RASEF: variants seen among roughly 807,000 people sequenced by gnomAD.
The protein encoded by RASEF is ras and EF-hand domain-containing protein.
RASEF carries 68 observed loss-of-function variants against 90.1 expected under a neutral mutation model. The ratio of observed to expected loss-of-function variants is 0.75; its 90% CI spans 0.62 to 0.92. RASEF has a LOEUF of 0.92. Among genes scored for constraint, RASEF ranks in the 40% least tolerant of loss-of-function variants. RASEF has a pLI of 0.00. For missense variants in RASEF, 949 were observed against 937.2 expected (o/e 1.01, Z -0.16); for synonymous variants, 331 against 345.2 (o/e 0.96, Z 0.46).
chr9:83,011,319 C>A (rs1829238558), intron 5 of RASEF, among the ~76,000 whole-genome samples: 1 of 151,962 alleles, frequency 6.6e-6, no homozygotes, highest in Admixed American at 6.6e-5. Flanking sequence ...CTTTGGGAGG[C>A]CAAAGCGGGT....
chr9:83,178,027 G>A, the RASEF span, among the ~76,000 whole-genome samples: 1 of 151,954 alleles, frequency 6.6e-6, no homozygotes, highest in Non-Finnish European at 1.5e-5. Context: ...TTACTGTTAG[G>A]CACCTATACT....
the RASEF span, among the ~76,000 whole-genome samples, chr9:83,190,604 T>C: frequency 6.6e-6 from 1 of 152,236 alleles, no homozygotes; most frequent in Non-Finnish European, 1.5e-5. Flanking sequence ...TGCTTAATGA[T>C]GCCAACATTG....
At chr9:83,129,373 C>T in the RASEF span, among the ~76,000 whole-genome samples, 3 of 149,044 alleles carry the variant, frequency 2.0e-5, no homozygotes, top group Non-Finnish European at 4.4e-5. Flanking sequence ...CACCACTGCA[C>T]TCCAGCATGG....
At chr9:83,147,112 A>T in the RASEF span, among the ~76,000 whole-genome samples, 1 of 151,306 alleles carries the variant, frequency 6.6e-6, no homozygotes, top group Admixed American at 6.6e-5. Flanking sequence ...AACCCGGATT[A>T]GAACATTTTG....
At chr9:82,983,134 CA>C (rs1828646754) in intron 16 of RASEF, among the ~76,000 whole-genome samples, 1 of 151,256 alleles carries the variant, frequency 6.6e-6, no homozygotes, top group African/African-American at 2.4e-5. Context: ...CACACACACA[CA>C]CACACACACA....
At position 82,982,338 on chromosome 9, in the gene RASEF, G is replaced by C. The variant is rs1234919275; in HGVS notation, c.*339C>G. The C allele has an allele frequency of 6.1e-6, 1 of 165,016 alleles. No individual in the cohort carries two copies. Among genetic ancestry groups the C allele is most frequent in the African/African-American group, 2.4e-5 (1 of 41,754 alleles). 10.2% of individuals were successfully genotyped at this position (165,016 alleles called of 1,614,324 possible). ...GGGTAACCTAATTCAGCTACCACAT[G>C]AATCTAATTATGTCAGTTTCCTCTA... On this transcript the variant is annotated 3_prime_UTR_variant, in exon 17 of 17. Transcript: ENST00000376447.
the RASEF span, among the ~76,000 whole-genome samples, chr9:83,187,102 C>T: frequency 1.3e-5 from 2 of 152,158 alleles, no homozygotes; most frequent in Admixed American, 1.3e-4. Context: ...CTCAAACTAG[C>T]AAACCCTAAA....
At chr9:82,990,739 A>G (rs1258335875) in intron 15 of RASEF, among the ~76,000 whole-genome samples, 1 of 152,192 alleles carries the variant, frequency 6.6e-6, no homozygotes, top group Non-Finnish European at 1.5e-5. Flanking sequence ...AACAGTCAAA[A>G]CACATGCTAC....
chr9:83,216,524 G>A, the RASEF span, among the ~76,000 whole-genome samples: 6 of 152,172 alleles, frequency 3.9e-5, no homozygotes, highest in Admixed American at 6.5e-5. Context: ...GCCAAGAACC[G>A]AGGTTTGGAA....
chr9:83,214,639 G>T, the RASEF span, among the ~76,000 whole-genome samples: 8 of 152,230 alleles, frequency 5.3e-5, no homozygotes, highest in South Asian at 1.7e-3. Context: ...AATCATGGTG[G>T]TGGGTTTTCC....
chr9:83,206,737 G>A, the RASEF span, among the ~76,000 whole-genome samples: 1,473 of 152,306 alleles, frequency 9.7e-3, 22 homozygotes, highest in African/African-American at 0.034. Context: ...CAGTGGCCAC[G>A]TGACAGGTTA....
chr9:83,151,495 C>G, the RASEF span, among the ~76,000 whole-genome samples: 2 of 152,132 alleles, frequency 1.3e-5, no homozygotes, highest in African/African-American at 4.8e-5. Context: ...GGAATGGATG[C>G]CATTGCCTGG....
the RASEF span, among the ~76,000 whole-genome samples, chr9:83,199,778 G>A: frequency 1.3e-5 from 2 of 152,174 alleles, no homozygotes; most frequent in Non-Finnish European, 1.5e-5. Context: ...ACACAAATGC[G>A]TATCTGATAT....
At chr9:83,077,244 C>T in the RASEF span, among the ~76,000 whole-genome samples, 1 of 152,230 alleles carries the variant, frequency 6.6e-6, no homozygotes, top group South Asian at 2.1e-4. Context: ...GCATAATCAA[C>T]ATTCTCTTAT....
At chr9:83,103,294 G>T in the RASEF span, among the ~76,000 whole-genome samples, 1 of 152,106 alleles carries the variant, frequency 6.6e-6, no homozygotes, top group Non-Finnish European at 1.5e-5. Flanking sequence ...TATTAGTGAT[G>T]ATAATATCTA....
At chr9:83,041,178 G>A (rs948184359) in intron 1 of RASEF, among the ~76,000 whole-genome samples, 1 of 152,174 alleles carries the variant, frequency 6.6e-6, no homozygotes, top group Non-Finnish European at 1.5e-5. Context: ...CTTTTTAAAA[G>A]CCTATTTCAA....
In RASEF at chr9:83,062,670, C is replaced by T. The variant is rs962530076; in HGVS notation, c.198G>A (p.Glu66=). The change falls in exon 1 of 17, where the codon GAG becomes GAA. Residue 66 remains glutamate (E), a synonymous_variant. Transcript: ENST00000376447. Reference sequence around the variant, plus strand: ...GGGACCCGAGGAAGCCACGCGCGAACTCCTGGAAGGTGATGGCGCCGTCAC... The same window carrying T: ...GGGACCCGAGGAAGCCACGCGCGAATTCCTGGAAGGTGATGGCGCCGTCAC... ...ADRDGAITFQ[E]FARGFLGSLR... is the part of the protein sequence containing the mutation. The T allele has an allele frequency of 8.3e-6, 13 of 1,573,782 alleles. No homozygotes were observed. Among genetic ancestry groups the T allele is most frequent in the Non-Finnish European group, 1.1e-5 (13 of 1,168,222 alleles).
the RASEF span, among the ~76,000 whole-genome samples, chr9:83,206,685 T>C: frequency 1.3e-5 from 2 of 152,214 alleles, no homozygotes; most frequent in African/African-American, 4.8e-5. Flanking sequence ...TAACAGCGAG[T>C]ACGTGATGAA....
At chr9:83,204,876 G>T in the RASEF span, among the ~76,000 whole-genome samples, 1 of 152,186 alleles carries the variant, frequency 6.6e-6, no homozygotes, top group Admixed American at 6.5e-5. Flanking sequence ...TACTAGTTTT[G>T]CCAATTATAA....
Sources: gnomAD v4.1 joint callset for allele counts (sites outside exome capture counted in the v4.1 genomes callset) on GRCh38, gnomAD v4.1.1 for gene constraint, MANE v1.5 for transcripts, NCBI Gene and HGNC (gene_info 2026-07-23, HGNC 2026-07-21) for gene names.